UTP20: variants seen among roughly 807,000 people sequenced by gnomAD.
UTP20 encodes the protein UTP20 small subunit processome component, also known as small subunit processome component 20 homolog.
In UTP20, 164 loss-of-function variants were observed where a neutral mutation model predicts 329.5. The observed-to-expected ratio is 0.50, with a 90% CI of 0.44 to 0.57. UTP20 has a LOEUF of 0.57. UTP20 is among the 20% of genes least tolerant of loss of function. The pLI is 0.00. For missense variants in UTP20, 3,055 were observed against 3,284.2 expected, an observed-to-expected ratio of 0.93 and a Z score of 1.71; for synonymous variants, 1,151 against 1,159.3, an observed-to-expected ratio of 0.99 and a Z score of 0.14.
intron 21 of UTP20, among the ~76,000 whole-genome samples, chr12:101,313,209 A>G (rs1471130): frequency 0.34 from 51,881 of 152,034 alleles, 9,319 homozygotes; most frequent in Middle Eastern, 0.46. Flanking sequence ...ATGTTTTCCT[A>G]TAGTAGTTTC....
chr12:101,383,556 T>C lies in UTP20; in HGVS notation c.7943T>C (p.Phe2648Ser). 1 of 1,613,350 alleles carries C rather than the reference T, an allele frequency of 6.2e-7. No individual in the cohort carries two copies. The highest frequency in any genetic ancestry group is 8.5e-7 in the Non-Finnish European group (1 of 1,179,828). Residue 2648 changes from phenylalanine to serine, a missense_variant, in exon 60 of 62, where the codon TTT (phenylalanine) becomes TCT (serine). Phe to Ser is a radical substitution (Grantham distance 155). Around this residue, in one of 3 missense-constraint regions of UTP20, gnomAD observed 337 missense variants for 345.5 expected, o/e 0.98. Transcript: ENST00000261637. ...PRNPLKRTCI[F>S]KFLGAVAMDL... ...CTGTACTTTCAGAGAACATGCATCTTTAAGTTCCTCGGCGCCGTAGCAATG... is the reference window on the plus strand; with the variant it reads ...CTGTACTTTCAGAGAACATGCATCTCTAAGTTCCTCGGCGCCGTAGCAATG...
chr12:101,374,765 TC>T (rs1593454735), intron 54 of UTP20, 42 bp from the exon 55 acceptor site: 2 of 844,458 alleles, frequency 2.4e-6, no homozygotes, highest in African/African-American at 3.3e-5. Flanking sequence ...AGTAAAGGCC[TC>T]CCAAGTTCTC....
intron 19 of UTP20, among the ~76,000 whole-genome samples, chr12:101,310,173 A>C (rs184693191): frequency 6.6e-6 from 1 of 152,146 alleles, no homozygotes; most frequent in African/African-American, 2.4e-5. Context: ...TTATTTCTAT[A>C]TTTTGAGTCA....
rs1190680982 is a variant in UTP20, at chr12:101,386,366, C to G, written c.*243C>G. The G allele has an allele frequency of 3.0e-6, 1 of 331,992 alleles. No homozygotes were observed. Among genetic ancestry groups the G allele is most frequent in the Non-Finnish European group, 5.4e-6 (1 of 185,906 alleles). The allele number at this position is 331,992 out of a possible 1,614,324, so 20.6% of individuals were successfully genotyped here. ...TGCCTCCTAGGCACACAACACTATG[C>G]CCGGCAAATTTTTTGTATTTTGTAT... On this transcript the variant is annotated 3_prime_UTR_variant, in exon 62 of 62. Coordinates refer to ENST00000261637, the MANE Select transcript of UTP20 (RefSeq NM_014503.3).
At chr12:101,333,564 C>A in intron 28 of UTP20, 120 bp downstream of exon 28, 2 of 1,296,590 alleles carry the variant, frequency 1.5e-6, no homozygotes, top group Non-Finnish European at 2.1e-6. Context: ...TTACATCGAG[C>A]CCTTCTTTCT....
rs1186890675 is a variant in UTP20 at position 101,280,294 on chromosome 12, G to A, written c.12G>A (p.Lys4=). Residue 4 remains lysine, a synonymous_variant, in exon 1 of 62, where the codon AAG becomes AAA. Coordinates refer to ENST00000261637, the MANE Select transcript of UTP20 (RefSeq NM_014503.3). MKT[K]PVSHKTENTY... The stretch of plus-strand genomic sequence containing the variant: ...GGCCCTCTGCAGCCATGAAGACAAA[G>A]CCCGTTTCCCACAAGACCGAGAACA... 1.3e-6 allele frequency: 2 copies of A among 1,551,664 alleles called. No homozygotes were observed. The highest frequency in any genetic ancestry group is 2.4e-5 in the East Asian group (1 of 40,906).
In UTP20 at chr12:101,367,867, A is replaced by G. The variant is rs1187769913; in HGVS notation, c.6275A>G (p.His2092Arg). ...IFIESGLRLL[H>R]LSLKTSKIKS... ...CTGTTTGAACTCTCTTAGCTGCTGC[A>G]TCTGAGTCTGAAGACTTCCAAGATC... The change falls in exon 48 of 62, where the codon CAT (histidine) becomes CGT (arginine). Residue 2092 changes from histidine (H) to arginine (R), a missense_variant. Physicochemically the swap from His to Arg is conservative, Grantham distance 29. Coordinates refer to ENST00000261637, the MANE Select transcript of UTP20 (RefSeq NM_014503.3). The G allele has an allele frequency of 6.2e-7, 1 of 1,612,610 alleles. No homozygotes were observed. Among genetic ancestry groups the G allele is most frequent in the Non-Finnish European group, 8.5e-7 (1 of 1,178,672 alleles).
At chr12:101,311,951 G>T in intron 20 of UTP20, 85 bp from the exon 21 acceptor site, 1 of 1,583,472 alleles carries the variant, frequency 6.3e-7, no homozygotes, top group South Asian at 1.2e-5. Flanking sequence ...TTACATTATA[G>T]AGAAAGAAAT....
intron 38 of UTP20, among the ~76,000 whole-genome samples, chr12:101,349,030 G>A (rs1375289399): frequency 6.6e-6 from 1 of 151,892 alleles, no homozygotes; most frequent in Non-Finnish European, 1.5e-5. Flanking sequence ...TTATTGTTTT[G>A]TTTTTGTTTT....
chr12:101,316,346 T>C (rs1872971405), intron 21 of UTP20, among the ~76,000 whole-genome samples: 1 of 152,248 alleles, frequency 6.6e-6, no homozygotes, highest in Non-Finnish European at 1.5e-5. Flanking sequence ...TGAGTGAACA[T>C]GCTGTTCACG....
At chr12:101,377,038 C>T (rs1054455451) in intron 56 of UTP20, among the ~76,000 whole-genome samples, 4 of 152,214 alleles carry the variant, frequency 2.6e-5, no homozygotes, top group African/African-American at 4.8e-5. Flanking sequence ...GCCTCAGCCT[C>T]CCAAAGTGCT....
chr12:101,371,757 C>G (rs1224336785), intron 51 of UTP20, among the ~76,000 whole-genome samples: 1 of 152,054 alleles, frequency 6.6e-6, no homozygotes, highest in Non-Finnish European at 1.5e-5. Context: ...TGGTCTTGAT[C>G]TCTTGACCTT....
chr12:101,296,132 G>A (rs184444407), intron 12 of UTP20, among the ~76,000 whole-genome samples: 81 of 152,332 alleles, frequency 5.3e-4, no homozygotes, highest in African/African-American at 1.9e-3. Flanking sequence ...GATATCATCA[G>A]TTGTATGTGC....
intron 35 of UTP20, 57 bp from the exon 36 acceptor site, chr12:101,344,538 A>G: frequency 1.2e-6 from 1 of 824,754 alleles, no homozygotes; most frequent in Non-Finnish European, 2.1e-6. Context: ...GGGAAGTAAT[A>G]TTCCATATTG....
At chr12:101,364,142 C>T (rs771106892) in intron 45 of UTP20, among the ~76,000 whole-genome samples, 31 of 152,148 alleles carry the variant, frequency 2.0e-4, no homozygotes, top group Non-Finnish European at 4.1e-4. Context: ...CATGGTGGCT[C>T]ACACCTGTAA....
At chr12:101,293,302 G>A (rs922900797) in intron 11 of UTP20, 57 bp downstream of exon 11, 10 of 1,493,120 alleles carry the variant, frequency 6.7e-6, no homozygotes, top group East Asian at 4.5e-5. Context: ...AGGAAAAAAC[G>A]ATCAAATTTG....
chr12:101,351,128 A>ATT (rs59987232), intron 38 of UTP20, among the ~76,000 whole-genome samples: 99 of 143,168 alleles, frequency 6.9e-4, no homozygotes, highest in African/African-American at 2.0e-3. Flanking sequence ...CGTTTCATGC[A>ATT]TTTTTTTTTT....
chr12:101,349,208 G>A (rs1316704360), intron 38 of UTP20, among the ~76,000 whole-genome samples: 5 of 151,508 alleles, frequency 3.3e-5, no homozygotes, highest in Admixed American at 6.6e-5. Context: ...TGTATGGCCT[G>A]GCCCTTGTAG....
At chr12:101,291,388 C>T (rs1035021890) in intron 8 of UTP20, 2 of 166,552 alleles carry the variant, frequency 1.2e-5, no homozygotes, top group African/African-American at 4.8e-5. Context: ...AACGCTGTCT[C>T]TACTAAAAAT....
Sources: allele counts gnomAD v4.1 joint callset (sites outside exome capture counted in the v4.1 genomes callset), GRCh38; gene constraint gnomAD v4.1.1; regional missense constraint gnomAD v4.1.1; transcripts MANE v1.5; gene names NCBI Gene and HGNC (gene_info 2026-07-23, HGNC 2026-07-21).